The following WLS variants were observed in gnomAD, a reference collection of about 807,000 sequenced individuals.
The protein encoded by WLS is Wnt ligand secretion mediator, also known as protein wntless homolog.
In WLS, 23 loss-of-function variants were observed where a neutral mutation model predicts 62.8. That is an observed-to-expected ratio of 0.37 (90% CI 0.26 to 0.52). WLS has a LOEUF of 0.52. Ranked by LOEUF, WLS falls within the 20% of genes least tolerant of loss-of-function variation. The pLI, the probability that WLS is intolerant of heterozygous loss-of-function variation, is 0.92. For synonymous variants in WLS, 246 were observed against 244.1 expected (o/e 1.01, Z -0.07); for missense variants, 615 against 697.3 (o/e 0.88, Z 1.33).
intron 11 of WLS, among the ~76,000 whole-genome samples, chr1:68,131,204 C>T (rs1440930836): frequency 9.4e-6 from 1 of 106,212 alleles, no homozygotes; most frequent in Non-Finnish European, 2.2e-5. Flanking sequence ...AGCCACCGCA[C>T]CTGGCCTTTT....
At chr1:68,106,736 G>A (rs984448065) in intron 11 of WLS, among the ~76,000 whole-genome samples, 1 of 73,574 alleles carries the variant, frequency 1.4e-5, no homozygotes, top group Non-Finnish European at 3.2e-5. Flanking sequence ...GTGTGTGTGT[G>A]TGTGTGTGTG....
chr1:68,182,693 C>T (rs1010171954), intron 2 of WLS, among the ~76,000 whole-genome samples: 1 of 152,186 alleles, frequency 6.6e-6, no homozygotes, highest in Non-Finnish European at 1.5e-5. Context: ...ACAAACCCTA[C>T]TCCATTTAAG....
chr1:68,167,981 G>T (rs909242592), intron 2 of WLS, among the ~76,000 whole-genome samples: 10 of 152,276 alleles, frequency 6.6e-5, no homozygotes, highest in African/African-American at 2.4e-4. Flanking sequence ...TGTATCCTTA[G>T]GAAGTCTGTC....
At chr1:68,186,952 C>T (rs1355604315) in intron 2 of WLS, among the ~76,000 whole-genome samples, 4 of 152,094 alleles carry the variant, frequency 2.6e-5, no homozygotes, top group Non-Finnish European at 4.4e-5. Context: ...TAGCTCACGC[C>T]TGTAATCCCC....
chr1:68,157,074 G>A (rs1646909666), intron 3 of WLS, among the ~76,000 whole-genome samples: 1 of 152,200 alleles, frequency 6.6e-6, no homozygotes, highest in Non-Finnish European at 1.5e-5. Flanking sequence ...AGAAGGACAT[G>A]GGCCCTGCCC....
intron 11 of WLS, among the ~76,000 whole-genome samples, chr1:68,103,095 C>T (rs951705677): frequency 1.3e-5 from 2 of 152,288 alleles, no homozygotes; most frequent in South Asian, 2.1e-4. Context: ...CCCTGCCTAG[C>T]GCTCTTTCTG....
chr1:68,223,390 T>C (rs1650018315), intron 1 of WLS, among the ~76,000 whole-genome samples: 1 of 152,170 alleles, frequency 6.6e-6, no homozygotes. Context: ...CCAAACCAAG[T>C]AAGGTTTTGG....
intron 10 of WLS, 112 bp downstream of exon 10, chr1:68,144,455 GTC>G: frequency 1.0e-6 from 1 of 999,100 alleles, no homozygotes; most frequent in Non-Finnish European, 1.4e-6. Context: ...TTGACCAGCT[GTC>G]CAGAATTATG....
chr1:68,213,580 T>C (rs1649607973), intron 1 of WLS, among the ~76,000 whole-genome samples: 2 of 152,144 alleles, frequency 1.3e-5, no homozygotes, highest in South Asian at 4.1e-4. Flanking sequence ...AAGTTCATTA[T>C]TAATTTGGCA....
intron 11 of WLS, among the ~76,000 whole-genome samples, chr1:68,106,615 C>T (rs1156690210): frequency 2.0e-5 from 3 of 152,206 alleles, no homozygotes; most frequent in African/African-American, 7.2e-5. Flanking sequence ...TGGTGGCAGA[C>T]ATTTCAGTGT....
intron 10 of WLS, chr1:68,141,407 C>T (rs963321679): frequency 5.3e-5 from 8 of 152,110 alleles, no homozygotes; most frequent in South Asian, 2.1e-4. Context: ...CTAAATGGAA[C>T]GCCTCTTTCT....
At chr1:68,160,061 G>A (rs1353653424) in intron 2 of WLS, among the ~76,000 whole-genome samples, 2 of 133,206 alleles carry the variant, frequency 1.5e-5, no homozygotes, top group Non-Finnish European at 3.1e-5. Flanking sequence ...AAGTTCAAGA[G>A]CAGAGAAGTC....
At chr1:68,103,835 C>A (rs954340934) in intron 11 of WLS, among the ~76,000 whole-genome samples, 5 of 152,210 alleles carry the variant, frequency 3.3e-5, no homozygotes, top group Admixed American at 6.5e-5. Context: ...GGAGAACTTG[C>A]TCCTTCCCAG....
At chr1:68,117,143 C>T (rs1022817144) in intron 11 of WLS, among the ~76,000 whole-genome samples, 2 of 152,138 alleles carry the variant, frequency 1.3e-5, no homozygotes, top group Non-Finnish European at 2.9e-5. Context: ...TCCCCCTGCC[C>T]CCACACTCAC....
chr1:68,230,523 C>G (rs754398774), intron 1 of WLS, among the ~76,000 whole-genome samples: 14 of 151,696 alleles, frequency 9.2e-5, no homozygotes, highest in Non-Finnish European at 1.9e-4. Context: ...TACGGGGAAA[C>G]GAGATTGCAT....
intron 11 of WLS, chr1:68,127,255 T>C (rs1646446916): frequency 4.9e-6 from 1 of 202,982 alleles, no homozygotes; most frequent in Admixed American, 5.8e-5. Flanking sequence ...TAAGACCTGC[T>C]TATATCTATC....
Position 68,145,942 on chromosome 1 carries a change from T to G in WLS, c.1205A>C (p.Gln402Pro), listed in dbSNP as rs747426311. The G allele has an allele frequency of 6.2e-7, 1 of 1,614,074 alleles. No individual in the cohort carries two copies. The highest frequency in any genetic ancestry group is 8.5e-7 in the Non-Finnish European group (1 of 1,180,024). Residue 402 changes from glutamine (Q) to proline (P), a missense_variant, in exon 9 of 12, where the codon CAG becomes CCG. Coordinates refer to ENST00000262348, the MANE Select transcript of WLS (RefSeq NM_024911.7). ...CTTCCCACTGATGTTCCGAAACACCTGAAATACCATGAAGCATAGAAACAG... is the reference window on the plus strand; with the variant it reads ...CTTCCCACTGATGTTCCGAAACACCGGAAATACCATGAAGCATAGAAACAG... ...YFLFLCFMVF[Q>P]VFRNISGKQS...
At chr1:68,217,454 G>A (rs1157621354) in intron 1 of WLS, among the ~76,000 whole-genome samples, 1 of 152,174 alleles carries the variant, frequency 6.6e-6, no homozygotes, top group East Asian at 1.9e-4. Flanking sequence ...AATTTATCAT[G>A]AGGACAGAGC....
At chr1:68,201,124 TG>T (rs1389888559) in intron 1 of WLS, among the ~76,000 whole-genome samples, 1 of 152,236 alleles carries the variant, frequency 6.6e-6, no homozygotes, top group African/African-American at 2.4e-5. Flanking sequence ...GCCTTAATTC[TG>T]GTTAAAAGGA....
Sources: allele counts gnomAD v4.1 joint callset (sites outside exome capture counted in the v4.1 genomes callset), GRCh38; gene constraint gnomAD v4.1.1; transcripts MANE v1.5; gene names NCBI Gene and HGNC (gene_info 2026-07-23, HGNC 2026-07-21).